LATS2: variants seen among roughly 807,000 people sequenced by gnomAD.
LATS2 encodes serine/threonine-protein kinase LATS2.
Under a neutral mutation model 76.0 loss-of-function variants are expected in LATS2, and 24 were observed. The ratio of observed to expected loss-of-function variants is 0.32; its 90% confidence interval spans 0.23 to 0.44. The LOEUF is 0.44. Among genes scored for constraint, LATS2 ranks in the 20% least tolerant of loss-of-function variants. The pLI, the probability that LATS2 is intolerant of heterozygous loss-of-function variation, is 1.00. For missense variants in LATS2, 1,286 were observed against 1,481.2 expected, an observed-to-expected ratio of 0.87 and a Z score of 2.16; for synonymous variants, 692 against 635.4, an observed-to-expected ratio of 1.09 and a Z score of -1.34.
chr13:21,009,480 C>T (rs995514688), intron 2 of LATS2, among the ~76,000 whole-genome samples: 2 of 152,182 alleles, frequency 1.3e-5, no homozygotes, highest in African/African-American at 4.8e-5. Context: ...GGAATTTATA[C>T]TTATCCTAAG....
intron 2 of LATS2, among the ~76,000 whole-genome samples, chr13:21,042,328 G>A (rs1401346293): frequency 6.6e-6 from 1 of 152,120 alleles, no homozygotes; most frequent in East Asian, 1.9e-4. Flanking sequence ...AGTTACATGG[G>A]TGGGTTTAAT....
intron 2 of LATS2, among the ~76,000 whole-genome samples, chr13:20,994,564 C>T (rs751239712): frequency 1.6e-4 from 25 of 152,278 alleles, no homozygotes; most frequent in South Asian, 4.1e-4. Context: ...GAAGCCTGGC[C>T]GAGGAGCTTG....
intron 2 of LATS2, among the ~76,000 whole-genome samples, chr13:21,023,637 G>A (rs1423166188): frequency 9.4e-6 from 1 of 105,960 alleles, no homozygotes; most frequent in Non-Finnish European, 1.7e-5. Context: ...CATTTTCTAT[G>A]ACTGGCTTTA....
chr13:20,975,056 C>T lies in LATS2; in HGVS notation c.3081G>A (p.Ser1027=), dbSNP rs571711915. The change falls in exon 8 of 8, where the codon TCG becomes TCA. Residue 1027 remains serine, a synonymous_variant. Transcript: ENST00000382592. ...GSTKAWDTLT[S]PNNKHPEHAF... is the part of the protein sequence containing the mutation. ...CGTGCTCAGGATGCTTGTTATTGGG[C>T]GAGGTGAGTGTGTCCCAGGCCTTGG... is the stretch of plus-strand genomic sequence containing the variant. The T allele has an allele frequency of 2.2e-5, 36 of 1,614,170 alleles. No individual in the cohort carries two copies. Among genetic ancestry groups the T allele is most frequent in the South Asian group, 5.5e-5 (5 of 91,080 alleles).
intron 2 of LATS2, chr13:21,005,811 A>C (rs1201553995): frequency 2.0e-5 from 3 of 151,624 alleles, no homozygotes; most frequent in Admixed American, 6.6e-5. Flanking sequence ...CTCTATAAAA[A>C]AAAAAAAAAA....
chr13:20,998,848 G>A (rs1297425619), intron 2 of LATS2, among the ~76,000 whole-genome samples: 1 of 152,128 alleles, frequency 6.6e-6, no homozygotes, highest in Non-Finnish European at 1.5e-5. Context: ...CGCCGGGTGG[G>A]GGCCCTGCGA....
Position 20,974,013 on chromosome 13 carries a change from C to CA in LATS2, c.*856dup, listed in dbSNP as rs1419640531. On this transcript the variant is annotated 3_prime_UTR_variant, in exon 8 of 8. Coordinates refer to ENST00000382592, the MANE Select transcript of LATS2 (RefSeq NM_014572.3). ...TCCAATCACAACCAAGACACACACA[C>CA]AAATCACTTCTCAGTTACACATCTG... The CA allele has an allele frequency of 1.9e-5, 4 of 206,128 alleles. No homozygotes were observed. The highest frequency in any genetic ancestry group is 1.0e-4 in the African/African-American group (4 of 39,736). The allele number at this position is 206,128 out of a possible 1,614,324, so 12.8% of individuals were successfully genotyped here.
intron 2 of LATS2, among the ~76,000 whole-genome samples, chr13:21,003,210 G>C (rs1020505961): frequency 5.7e-5 from 8 of 140,010 alleles, no homozygotes; most frequent in Non-Finnish European, 9.4e-5. Flanking sequence ...GGTGTGATCA[G>C]TGAATTTTGA....
At chr13:21,024,040 C>A (rs1164754647) in intron 2 of LATS2, among the ~76,000 whole-genome samples, 1 of 146,358 alleles carries the variant, frequency 6.8e-6, no homozygotes, top group Admixed American at 6.9e-5. Context: ...TCGGGAAGGG[C>A]CCCCCAGGGA....
chr13:20,987,337 A>T (rs1278341903), intron 4 of LATS2, among the ~76,000 whole-genome samples: 1 of 152,124 alleles, frequency 6.6e-6, no homozygotes, highest in African/African-American at 2.4e-5. Context: ...GTGTGATTTA[A>T]ATCTGTTACA....
At chr13:21,050,750 C>T (rs1041057120) in intron 1 of LATS2, among the ~76,000 whole-genome samples, 2 of 152,210 alleles carry the variant, frequency 1.3e-5, no homozygotes, top group South Asian at 2.1e-4. Context: ...TTACCATCGC[C>T]GTGCCAAATA....
At chr13:21,033,427 CG>C (rs1479445744) in intron 2 of LATS2, among the ~76,000 whole-genome samples, 1 of 151,814 alleles carries the variant, frequency 6.6e-6, no homozygotes, top group Non-Finnish European at 1.5e-5. Flanking sequence ...GAGATGTGCA[CG>C]GGAAGACTGG....
rs1336171358 is a variant in LATS2, at chr13:21,023,664, A to C, written c.342+22021T>G. 4.0e-4 allele frequency among the ~76,000 whole-genome samples: 37 copies of C among 91,612 alleles called. 2 individuals carry two copies. The highest frequency in any genetic ancestry group is 2.8e-3 in the Admixed American group (22 of 7,914). 60.1% of individuals were successfully genotyped at this position (91,612 alleles called of 152,430 possible). On this transcript the variant is annotated intron_variant, in intron 2 of 7. Transcript: ENST00000382592. ...CTGGCTTTAAAAAAAAAAAAAAAAA[A>C]AAAAAAAAAAAAAAAAAAACAAACC...
intron 2 of LATS2, among the ~76,000 whole-genome samples, chr13:20,997,663 C>T (rs964054514): frequency 3.9e-5 from 6 of 152,236 alleles, no homozygotes; most frequent in Admixed American, 1.3e-4. Flanking sequence ...GGGCTCCTGA[C>T]ACACCCTCTG....
intron 2 of LATS2, among the ~76,000 whole-genome samples, chr13:21,044,554 T>C (rs980227108): frequency 1.4e-4 from 22 of 152,222 alleles, no homozygotes; most frequent in Non-Finnish European, 2.2e-4. Flanking sequence ...ATGTTTTACT[T>C]GTTACATTTC....
rs369416563 is a variant in LATS2, at chr13:20,988,286, G to A, written c.1494C>T (p.Gly498=). The A allele has an allele frequency of 1.0e-4, 163 of 1,586,710 alleles. 1 individual carries two copies. The African/African-American group carries it at 2.0e-3, about 19-fold the overall frequency. ...EEHALALGGA[G]AFPLDVEYGG... ...CGTACTCCACGTCCAGCGGGAAGGC[G>A]CCTGCGCCGCCCAGCGCCAGGGCAT... is the stretch of plus-strand genomic sequence containing the variant. Residue 498 remains glycine, a synonymous_variant, in exon 4 of 8, where the codon GGC becomes GGT. Transcript: ENST00000382592.
chr13:21,031,855 A>T (rs1256621562), intron 2 of LATS2, among the ~76,000 whole-genome samples: 1 of 151,756 alleles, frequency 6.6e-6, no homozygotes, highest in Non-Finnish European at 1.5e-5. Context: ...GACCTCGACT[A>T]AAAAAAAATT....
intron 1 of LATS2, among the ~76,000 whole-genome samples, chr13:21,051,374 G>A (rs1480087843): frequency 6.6e-6 from 1 of 152,234 alleles, no homozygotes; most frequent in Admixed American, 6.5e-5. Context: ...TATAGGGTAT[G>A]TGTCACAATG....
At chr13:21,053,624 C>A (rs1873353137) in intron 1 of LATS2, among the ~76,000 whole-genome samples, 1 of 152,132 alleles carries the variant, frequency 6.6e-6, no homozygotes, top group Admixed American at 6.5e-5. Context: ...GAGAACGAAG[C>A]CTCAGTCAAC....
Sources: gnomAD v4.1 joint callset for allele counts (sites outside exome capture counted in the v4.1 genomes callset) on GRCh38, gnomAD v4.1.1 for gene constraint, MANE v1.5 for transcripts, NCBI Gene and HGNC (gene_info 2026-07-23, HGNC 2026-07-21) for gene names.